Variants in PAX2 observed in about 807,000 individuals in gnomAD.
PAX2 encodes the protein paired box 2.
In PAX2, 9 loss-of-function variants were observed where a neutral mutation model predicts 41.7. The ratio of observed to expected loss-of-function variants is 0.22; its 90% CI spans 0.13 to 0.38. PAX2 has a LOEUF of 0.38. Among genes scored for constraint, PAX2 ranks in the 10% least tolerant of loss-of-function variants. PAX2 has a pLI of 1.00. For missense variants in PAX2, 418 were observed against 531.6 expected, an observed-to-expected ratio of 0.79 and a Z score of 2.10; for synonymous variants, 221 against 212.7, an observed-to-expected ratio of 1.04 and a Z score of -0.34.
Position 100,756,128 on chromosome 10 carries a change from A to C in PAX2, c.410+5237A>C, listed in dbSNP as rs377724385. Among the ~76,000 whole-genome samples, 6 of 152,188 alleles carry C rather than the reference A, an allele frequency of 3.9e-5. No individual in the cohort carries two copies. The East Asian group carries it at 1.2e-3, about 29-fold the overall frequency. On this transcript the variant is annotated intron_variant, in intron 3 of 9. Transcript: ENST00000355243. ...CGGACTAGAATGTTACAGCTTCTAC[A>C]GAAAGAGGAACAATAGTAGTAACTG... is the stretch of plus-strand genomic sequence containing the variant.
In PAX2 at chr10:100,827,222, A is replaced by G; in HGVS notation, c.1108+127A>G. 2 of 791,308 alleles carry G rather than the reference A, an allele frequency of 2.5e-6. No homozygotes were observed. Among genetic ancestry groups the G allele is most frequent in the Non-Finnish European group, 4.3e-6 (2 of 464,134 alleles). The allele number at this position is 791,308 out of a possible 1,614,324, so 49.0% of individuals were successfully genotyped here. A position where few individuals can be genotyped will look rare whatever the true frequency, so the allele number is the denominator to read the frequency against. ...AGGGGGACAGGCTTGTTAGTGCAGC[A>G]CTGAGGCCCGGGGACCCCTCGAGGA... On this transcript the variant is annotated intron_variant, in intron 9 of 9. Coordinates refer to ENST00000355243, the MANE Select transcript of PAX2 (RefSeq NM_000278.5). The surrounding 1 kb of genome is among the most constrained non-coding windows in gnomAD (Gnocchi z 8.5).
rs115295511 is a variant in PAX2 at position 100,788,614 on chromosome 10, C to T, written c.616+7249C>T. Among the ~76,000 whole-genome samples the T allele has an allele frequency of 5.1e-3, 772 of 152,244 alleles. 11 individuals carry two copies. Among genetic ancestry groups the T allele is most frequent in the African/African-American group, 0.018 (739 of 41,540 alleles). On this transcript the variant is annotated intron_variant, in intron 5 of 9. Coordinates refer to ENST00000355243, the MANE Select transcript of PAX2 (RefSeq NM_000278.5). ...AGGAGACAGGGCCTGAGTCTCTCAG[C>T]GGCATTTTGGTCCAGATGCAGGGGG...
At chr10:100,801,765 G>T (rs1847573486) in intron 5 of PAX2, among the ~76,000 whole-genome samples, 1 of 152,240 alleles carries the variant, frequency 6.6e-6, no homozygotes, top group Non-Finnish European at 1.5e-5. Flanking sequence ...GAGCCAAGTG[G>T]CCTTCAACTG....
chr10:100,735,625 C>T (rs2133806266), exon 1 of PAX2: 1 of 1,031,092 alleles, frequency 9.7e-7, no homozygotes, highest in Non-Finnish European at 1.2e-6. Flanking sequence ...GCGGCGGCGG[C>T]GAAGGCGAGA....
At chr10:100,787,600 C>G (rs1400621603) in intron 5 of PAX2, among the ~76,000 whole-genome samples, 2 of 151,936 alleles carry the variant, frequency 1.3e-5, no homozygotes, top group African/African-American at 4.8e-5. Context: ...TGCTTGAAAA[C>G]AATGAAGGCT....
At chr10:100,785,696 C>T (rs915799028) in intron 5 of PAX2, among the ~76,000 whole-genome samples, 10 of 152,192 alleles carry the variant, frequency 6.6e-5, no homozygotes, top group African/African-American at 2.4e-4. Flanking sequence ...ATGAGAAGCA[C>T]CTGCCCTTGT....
chr10:100,744,321 G>A (rs548724407), upstream of PAX2, among the ~76,000 whole-genome samples: 1 of 152,252 alleles, frequency 6.6e-6, no homozygotes, highest in African/African-American at 2.4e-5. Context: ...CGGGGGGAGG[G>A]AGCGAAGGAG....
chr10:100,747,923 C>T (rs1307267167), intron 1 of PAX2: 12 of 982,322 alleles, frequency 1.2e-5, no homozygotes, highest in Non-Finnish European at 1.4e-5. Context: ...GTCCTGGCTG[C>T]CCGCGGGCAG....
intron 3 of PAX2, among the ~76,000 whole-genome samples, chr10:100,754,936 GAA>G (rs1845577937): frequency 6.6e-6 from 1 of 152,140 alleles, no homozygotes. Flanking sequence ...GGAGAGTTCA[GAA>G]AAAGACTTCT....
rs1848479255 is a variant in PAX2, at chr10:100,824,475, T to G, written c.920-173T>G. Among the ~76,000 whole-genome samples, 1 of 151,018 alleles carries G rather than the reference T, an allele frequency of 6.6e-6. No individual in the cohort carries two copies. Among genetic ancestry groups the G allele is most frequent in the African/African-American group, 2.4e-5 (1 of 41,048 alleles). ...ATCATAGACATTTAGCTTAGACACATGCAAAGGCACACTCAGATGGCGCAT... is the reference window on the plus strand; with the variant it reads ...ATCATAGACATTTAGCTTAGACACAGGCAAAGGCACACTCAGATGGCGCAT... On this transcript the variant is annotated intron_variant, in intron 7 of 9. Coordinates refer to ENST00000355243, the MANE Select transcript of PAX2 (RefSeq NM_000278.5). This position sits in a 1 kb window ranked among gnomAD's most constrained non-coding sequence, Gnocchi z 6.6.
At chr10:100,784,246 G>C (rs1305234702) in intron 5 of PAX2, among the ~76,000 whole-genome samples, 1 of 152,276 alleles carries the variant, frequency 6.6e-6, no homozygotes, top group Non-Finnish European at 1.5e-5. Context: ...TGGCAGGCCA[G>C]TCACAGAAGG....
At chr10:100,776,584 A>G (rs1310841617) in intron 3 of PAX2, among the ~76,000 whole-genome samples, 1 of 152,068 alleles carries the variant, frequency 6.6e-6, no homozygotes, top group Non-Finnish European at 1.5e-5. Flanking sequence ...TGTCTTTTAA[A>G]CACTCCTTTC....
upstream of PAX2, among the ~76,000 whole-genome samples, chr10:100,744,152 T>C (rs937908158): frequency 5.3e-5 from 8 of 152,224 alleles, no homozygotes; most frequent in African/African-American, 1.9e-4. Flanking sequence ...CCCCATGGTA[T>C]CTGCCGCCCA....
chr10:100,803,101 T>C (rs929771442), intron 5 of PAX2, among the ~76,000 whole-genome samples: 4 of 151,964 alleles, frequency 2.6e-5, no homozygotes, highest in Admixed American at 2.6e-4. Flanking sequence ...TCTCTTCTTC[T>C]TTTCCTCCTC....
Position 100,748,470 on chromosome 10 carries a change from C to G in PAX2, c.44-1276C>G. On this transcript the variant is annotated intron_variant, in intron 1 of 9. Coordinates refer to ENST00000355243, the MANE Select transcript of PAX2 (RefSeq NM_000278.5). The surrounding 1 kb of genome is among the most constrained non-coding windows in gnomAD (Gnocchi z 5.0). ...AGAGAAATGAGGGGGGCACAGATGT[C>G]CCCGCTTTCTCCGAAACTCGCGTGA... 9.1e-6 allele frequency: 9 copies of G among 985,206 alleles called. No individual in the cohort carries two copies. Among genetic ancestry groups the G allele is most frequent in the Non-Finnish European group, 1.1e-5 (9 of 829,870 alleles). The allele number at this position is 985,206 out of a possible 1,614,324, so 61.0% of individuals were successfully genotyped here. A position where few individuals can be genotyped will look rare whatever the true frequency, so the allele number is the denominator to read the frequency against.
intron 7 of PAX2, among the ~76,000 whole-genome samples, chr10:100,811,109 C>T (rs1374282559): frequency 1.3e-5 from 2 of 151,732 alleles, no homozygotes; most frequent in Non-Finnish European, 2.9e-5. Flanking sequence ...CTGGAAATTA[C>T]CAAAAAGAGA....
chr10:100,779,549 T>C lies in PAX2; in HGVS notation c.462T>C (p.Ala154=). 1.9e-6 allele frequency: 3 copies of C among 1,596,296 alleles called. No individual in the cohort carries two copies. Among genetic ancestry groups the C allele is most frequent in the Non-Finnish European group, 2.6e-6 (3 of 1,171,856 alleles). Reference sequence around the variant, plus strand: ...CTTTCCACCCAACGCCGGATGGGGCTGGGACAGGAGTGACCGCCCCTGGCC... The same window carrying C: ...CTTTCCACCCAACGCCGGATGGGGCCGGGACAGGAGTGACCGCCCCTGGCC... ...QQPFHPTPDG[A]GTGVTAPGHT... The change falls in exon 4 of 10, where the codon GCT becomes GCC. Residue 154 remains alanine (A), a synonymous_variant. Coordinates refer to ENST00000355243, the MANE Select transcript of PAX2 (RefSeq NM_000278.5).
At chr10:100,773,730 TCCCAGGCTGCC>T (rs1191825955) in intron 3 of PAX2, among the ~76,000 whole-genome samples, 1 of 152,128 alleles carries the variant, frequency 6.6e-6, no homozygotes, top group Non-Finnish European at 1.5e-5. Flanking sequence ...CTTGTTCTGC[TCCCAGGCTGCC>T]CCGGCCCCCC....
intron 5 of PAX2, among the ~76,000 whole-genome samples, chr10:100,796,199 A>G (rs1361822799): frequency 1.3e-5 from 2 of 152,192 alleles, no homozygotes; most frequent in East Asian, 1.9e-4. Context: ...TTCACTCACA[A>G]TGTCGTCACC....
Sources: gnomAD v4.1 joint callset for allele counts (sites outside exome capture counted in the v4.1 genomes callset) on GRCh38, gnomAD v4.1.1 for gene constraint, Gnocchi (gnomAD v3.1) non-coding constraint, MANE v1.5 for transcripts, NCBI Gene and HGNC (gene_info 2026-07-23, HGNC 2026-07-21) for gene names.